Variants in POMP observed in about 807,000 individuals in gnomAD.
POMP encodes the protein 2510048O06Rik.
Under a neutral mutation model 20.6 loss-of-function variants are expected in POMP, and 12 were observed. That is an observed-to-expected ratio of 0.58 (90% confidence interval 0.37 to 0.94). POMP has a LOEUF of 0.94. POMP is among the 40% of genes least tolerant of loss of function. The pLI is 0.01. For missense variants in POMP, 136 were observed against 161.1 expected, an observed-to-expected ratio of 0.84 and a Z score of 0.84; for synonymous variants, 53 against 55.0, an observed-to-expected ratio of 0.96 and a Z score of 0.16.
intron 4 of POMP, among the ~76,000 whole-genome samples, chr13:28,671,392 C>G (rs1884542476): frequency 6.6e-6 from 1 of 151,468 alleles, no homozygotes; most frequent in Non-Finnish European, 1.5e-5. Flanking sequence ...TGCTCAAATT[C>G]TGGATTTAAG....
intron 2 of POMP, 129 bp downstream of exon 2, chr13:28,662,636 G>A (rs10161824): frequency 0.025 from 18,760 of 755,588 alleles, 281 homozygotes; most frequent in Non-Finnish European, 0.033. Flanking sequence ...CTTACATGGG[G>A]TGCAGAGGGG....
intron 4 of POMP, among the ~76,000 whole-genome samples, chr13:28,671,890 C>CT (rs1214347683): frequency 6.6e-6 from 1 of 152,076 alleles, no homozygotes; most frequent in Admixed American, 6.5e-5. Context: ...ATTAGCTGGG[C>CT]TTGGTGACAT....
chr13:28,668,705 C>T (rs1884488757), intron 4 of POMP, 131 bp downstream of exon 4: 1 of 734,390 alleles, frequency 1.4e-6, no homozygotes. Context: ...TAGGGTATGA[C>T]CTTGATTTCT....
chr13:28,668,429 C>A, intron 3 of POMP, 44 bp from the exon 4 acceptor site: 1 of 1,378,460 alleles, frequency 7.3e-7, no homozygotes, highest in Non-Finnish European at 1.0e-6. Flanking sequence ...GTTTTGAAAG[C>A]AGAGTATTGA....
At chr13:28,675,032 C>T (rs750777551) in intron 5 of POMP, among the ~76,000 whole-genome samples, 2 of 151,898 alleles carry the variant, frequency 1.3e-5, no homozygotes, top group Non-Finnish European at 2.9e-5. Flanking sequence ...GAGTGAAACC[C>T]TATCTCAAAA....
chr13:28,669,127 A>G (rs1884497695), intron 4 of POMP, among the ~76,000 whole-genome samples: 2 of 152,214 alleles, frequency 1.3e-5, no homozygotes, highest in Admixed American at 6.5e-5. Flanking sequence ...AAATTGTATC[A>G]ATTTCAAATT....
intron 4 of POMP, among the ~76,000 whole-genome samples, chr13:28,670,368 C>G (rs767861545): frequency 8.5e-5 from 13 of 152,154 alleles, no homozygotes; most frequent in Admixed American, 2.0e-4. Context: ...TCCCCTGCTC[C>G]CCCAAATCAT....
Position 28,659,190 on chromosome 13 carries a change from G to A in POMP, c.3+3G>A. 6.3e-7 allele frequency: 1 copy of A among 1,590,530 alleles called. No homozygotes were observed. Among genetic ancestry groups the A allele is most frequent in the Non-Finnish European group, 8.6e-7 (1 of 1,169,508 alleles). On this transcript the variant is annotated splice_donor_region_variant and intron_variant, in intron 1 of 5. Transcript: ENST00000380842. ...TGTTCGCAGAGCTGCGGAAGATGGT[G>A]AGTGGGTACCCGGGCGGCTGGAGTT... is the stretch of plus-strand genomic sequence containing the variant.
chr13:28,665,088 A>G (rs1025698757), intron 3 of POMP, among the ~76,000 whole-genome samples: 2 of 152,218 alleles, frequency 1.3e-5, no homozygotes, highest in African/African-American at 4.8e-5. Flanking sequence ...TGTGACAGCC[A>G]CCTGTGCTTA....
rs535782830 is a variant in POMP, at chr13:28,661,775, T to C, written c.4-635T>C. ...ATCTTCATATAGAAACCAAACACTT[T>C]CTGAAATTCCCTTTTTTTCCCAGCT... On this transcript the variant is annotated intron_variant, in intron 1 of 5. Transcript: ENST00000380842. Among the ~76,000 whole-genome samples the C allele has an allele frequency of 9.8e-5, 15 of 152,326 alleles. No individual in the cohort carries two copies. The South Asian group carries it at 2.7e-3, about 27-fold the overall frequency.
chr13:28,667,184 A>G (rs1884463871), intron 3 of POMP, among the ~76,000 whole-genome samples: 1 of 152,236 alleles, frequency 6.6e-6, no homozygotes, highest in Non-Finnish European at 1.5e-5. Flanking sequence ...TCACATTACA[A>G]GATGGCTGTA....
At chr13:28,662,345 A>T in intron 1 of POMP, 65 bp from the exon 2 acceptor site, 1 of 1,157,242 alleles carries the variant, frequency 8.6e-7, no homozygotes, top group Non-Finnish European at 1.3e-6. Flanking sequence ...TATTTTTGAC[A>T]CAGCTGCCTG....
intron 2 of POMP, among the ~76,000 whole-genome samples, chr13:28,663,877 T>C (rs1370424040): frequency 1.3e-5 from 2 of 152,190 alleles, no homozygotes; most frequent in African/African-American, 4.8e-5. Flanking sequence ...TCCTGGATAA[T>C]GTTTTGTAAA....
chr13:28,678,061 G>C lies in POMP; in HGVS notation c.385G>C (p.Glu129Gln). 2 of 1,614,094 alleles carry C rather than the reference G, an allele frequency of 1.2e-6. No individual in the cohort carries two copies. The highest frequency in any genetic ancestry group is 1.3e-5 in the African/African-American group (1 of 75,042). Residue 129 changes from glutamate to glutamine, a missense_variant, in exon 6 of 6, where the codon GAG becomes CAG. Physicochemically the swap from Glu to Gln is conservative, Grantham distance 29. Coordinates refer to ENST00000380842, the MANE Select transcript of POMP (RefSeq NM_015932.6). ...NDPSQSEVMG[E>Q]PHLMVEYKLG... is the part of the protein sequence containing the mutation. ...TCCATCACAAAGCGAAGTCATGGGA[G>C]AGCCACACTTGATGGTGGAATATAA...
chr13:28,659,314 C>A, intron 1 of POMP, 127 bp downstream of exon 1: 1 of 1,451,096 alleles, frequency 6.9e-7, no homozygotes, highest in Non-Finnish European at 9.3e-7. Flanking sequence ...TGAGGCCGGC[C>A]TCAGGCGCCA....
intron 5 of POMP, among the ~76,000 whole-genome samples, chr13:28,677,112 C>T (rs565641179): frequency 1.1e-4 from 16 of 152,294 alleles, no homozygotes; most frequent in Admixed American, 9.1e-4. Context: ...CCATTTTTCT[C>T]GTTCCCTAAT....
intron 2 of POMP, among the ~76,000 whole-genome samples, chr13:28,663,739 A>G (rs1884390354): frequency 6.6e-6 from 1 of 152,212 alleles, no homozygotes; most frequent in South Asian, 2.1e-4. Context: ...TTGGAGATAT[A>G]ATTTGATATT....
rs1771182 is a variant in POMP, at chr13:28,672,534, T to C, written c.358+102T>C. ...TTCTTGTCCTCATGGAACTTACAGC[T>C]GATTGGGTTCACTTTATTCATTGCA... is the stretch of plus-strand genomic sequence containing the variant. On this transcript the variant is annotated intron_variant, in intron 5 of 5. Coordinates refer to ENST00000380842, the MANE Select transcript of POMP (RefSeq NM_015932.6). The C allele has an allele frequency of 0.013, 11,074 of 861,954 alleles. 755 individuals carry two copies. In the African/African-American group the frequency reaches 0.15, roughly 12 times the overall value. 53.4% of individuals were successfully genotyped at this position (861,954 alleles called of 1,614,324 possible). A position where few individuals can be genotyped will look rare whatever the true frequency, so the allele number is the denominator to read the frequency against.
chr13:28,666,896 G>T (rs1593173123), intron 3 of POMP, among the ~76,000 whole-genome samples: 1 of 152,192 alleles, frequency 6.6e-6, no homozygotes, highest in African/African-American at 2.4e-5. Flanking sequence ...GTCACAAGTG[G>T]TGCGGTGGGG....
Sources: gnomAD v4.1 joint callset for allele counts (sites outside exome capture counted in the v4.1 genomes callset) on GRCh38, gnomAD v4.1.1 for gene constraint, MANE v1.5 for transcripts, NCBI Gene and HGNC (gene_info 2026-07-23, HGNC 2026-07-21) for gene names.